The following PRPF39 variants were observed in gnomAD, a reference collection of about 807,000 sequenced individuals.
The protein encoded by PRPF39 is pre-mRNA-processing factor 39.
Under a neutral mutation model 82.1 loss-of-function variants are expected in PRPF39, and 27 were observed. The observed-to-expected ratio is 0.33, with a 90% confidence interval of 0.24 to 0.45. The LOEUF (loss-of-function observed/expected upper bound fraction) is 0.45, where lower values mean the gene tolerates loss of function less well. Among genes scored for constraint, PRPF39 ranks in the 20% least tolerant of loss-of-function variants. The pLI is 1.00. For synonymous variants in PRPF39, 261 were observed against 256.4 expected, an observed-to-expected ratio of 1.02 and a Z score of -0.17; for missense variants, 581 against 796.9, an observed-to-expected ratio of 0.73 and a Z score of 3.26.
rs549730063 is a variant in PRPF39, at chr14:45,108,294, A to G, written c.904-121A>G. ...TTTTGCACATAATTGCCAACAGTTA[A>G]AAATCTACCACTATTCTAAGACTAA... On this transcript the variant is annotated intron_variant, in intron 6 of 13. Coordinates refer to ENST00000355765, the MANE Select transcript of PRPF39 (RefSeq NM_017922.4). 1.6e-5 allele frequency: 19 copies of G among 1,183,688 alleles called. No individual in the cohort carries two copies. The South Asian group carries it at 3.0e-4, about 19-fold the overall frequency. The allele number at this position is 1,183,688 out of a possible 1,614,324, so 73.3% of individuals were successfully genotyped here. A position where few individuals can be genotyped will look rare whatever the true frequency, so the allele number is the denominator to read the frequency against.
intron 8 of PRPF39, 152 bp from the exon 9 acceptor site, chr14:45,109,942 G>A: frequency 3.9e-6 from 6 of 1,535,048 alleles, no homozygotes; most frequent in South Asian, 1.3e-5. Context: ...TGCCAACCTC[G>A]TTGCCTCTCT....
intron 1 of PRPF39, among the ~76,000 whole-genome samples, chr14:45,087,829 C>T (rs1000804674): frequency 4.0e-5 from 6 of 151,274 alleles, no homozygotes; most frequent in African/African-American, 4.9e-5. Flanking sequence ...CCTCATGATC[C>T]GCCCGCCTCA....
Position 45,110,596 on chromosome 14 carries a change from G to T in PRPF39, c.1351G>T (p.Val451Phe). 6.4e-7 allele frequency: 1 copy of T among 1,568,522 alleles called. No individual in the cohort carries two copies. Residue 451 changes from valine to phenylalanine, a missense_variant, in exon 10 of 14, where the codon GTT (valine) becomes TTT (phenylalanine). Coordinates refer to ENST00000355765, the MANE Select transcript of PRPF39 (RefSeq NM_017922.4). The surrounding 1 kb of genome is among the most constrained non-coding windows in gnomAD (Gnocchi z 4.0). ...RNILKTFEEC[V>F]LGLAMVRLRR... ...TATCTTGAAAACATTTGAAGAATGT[G>T]TTCTAGGATTGGCAATGGTTCGTTT...
In PRPF39 at chr14:45,116,245, G is replaced by A; in HGVS notation, c.*1332G>A. ...ACTTCAAAAGTGAGTTTTGCATTTGGTGGAATTCTGTTGAAGAAGTCAAGG... is the reference window on the plus strand; with the variant it reads ...ACTTCAAAAGTGAGTTTTGCATTTGATGGAATTCTGTTGAAGAAGTCAAGG... On this transcript the variant is annotated 3_prime_UTR_variant, in exon 14 of 14. Transcript: ENST00000355765. 1.2e-6 allele frequency: 2 copies of A among 1,612,246 alleles called. No homozygotes were observed.
At position 45,114,251 on chromosome 14, in the gene PRPF39, A is replaced by C; in HGVS notation, c.1826A>C (p.Glu609Ala). Residue 609 changes from glutamate (E) to alanine (A), a missense_variant, in exon 12 of 14, where the codon GAA (glutamate) becomes GCA (alanine). Transcript: ENST00000355765. ...CAGGATTCTTTAAAAAGGAAAGCAG[A>C]AAATGGGTATGTCACTTTTTGCTAA... ...KEQDSLKRKA[E>A]NGSEEPEEKK... 6.3e-7 allele frequency: 1 copy of C among 1,593,498 alleles called. No individual in the cohort carries two copies.
At chr14:45,093,709 C>G (rs570008950) in intron 1 of PRPF39, among the ~76,000 whole-genome samples, 9 of 152,054 alleles carry the variant, frequency 5.9e-5, no homozygotes, top group African/African-American at 1.7e-4. Context: ...GCATGTGCCA[C>G]CACGCCCGGC....
chr14:45,091,393 TG>T (rs767525210), intron 1 of PRPF39, among the ~76,000 whole-genome samples: 5 of 152,192 alleles, frequency 3.3e-5, no homozygotes, highest in Non-Finnish European at 5.9e-5. Flanking sequence ...CCACCCACCT[TG>T]GCTTCCCGAA....
At chr14:45,102,152 A>G (rs1435394707) in intron 4 of PRPF39, among the ~76,000 whole-genome samples, 2 of 152,168 alleles carry the variant, frequency 1.3e-5, no homozygotes, top group Non-Finnish European at 2.9e-5. Flanking sequence ...AAATTGAGAT[A>G]AAATTTGCCT....
intron 1 of PRPF39, among the ~76,000 whole-genome samples, chr14:45,092,434 C>A (rs900662392): frequency 6.6e-6 from 1 of 151,870 alleles, no homozygotes; most frequent in Non-Finnish European, 1.5e-5. Context: ...AACCTCGTCT[C>A]TCCTAAAAAT....
At chr14:45,112,623 C>T in intron 11 of PRPF39, 121 bp downstream of exon 11, 1 of 1,033,292 alleles carries the variant, frequency 9.7e-7, no homozygotes. Flanking sequence ...GCTTAGTTTA[C>T]TTTTTCCTCA....
intron 1 of PRPF39, among the ~76,000 whole-genome samples, chr14:45,085,108 G>T (rs2139028302): frequency 6.6e-6 from 1 of 152,290 alleles, no homozygotes; most frequent in African/African-American, 2.4e-5. Context: ...TTTGGACAGG[G>T]ACGTATGAAG....
At chr14:45,107,209 A>AT in intron 5 of PRPF39, among the ~76,000 whole-genome samples, 1 of 152,218 alleles carries the variant, frequency 6.6e-6, no homozygotes, top group East Asian at 1.9e-4. Context: ...ATGCCCGTCC[A>AT]TGCCTTCTCC....
chr14:45,095,585 A>G, intron 2 of PRPF39, 22 bp downstream of exon 2: 1 of 1,540,594 alleles, frequency 6.5e-7, no homozygotes, highest in Non-Finnish European at 8.8e-7. Flanking sequence ...TTAAAATGGT[A>G]TCAGAAGGGA....
At chr14:45,111,515 A>G (rs773769973) in intron 10 of PRPF39, among the ~76,000 whole-genome samples, 2 of 149,958 alleles carry the variant, frequency 1.3e-5, no homozygotes, top group African/African-American at 2.5e-5. Flanking sequence ...TTGTATTTTT[A>G]GTAGACACAG....
chr14:45,101,292 G>C (rs879403464), intron 4 of PRPF39, among the ~76,000 whole-genome samples: 1 of 152,118 alleles, frequency 6.6e-6, no homozygotes, highest in Non-Finnish European at 1.5e-5. Context: ...GTTTAACTTA[G>C]GGGAGTGTAG....
At chr14:45,096,647 A>G (rs1177335653) in intron 3 of PRPF39, 5 of 1,494,814 alleles carry the variant, frequency 3.3e-6, no homozygotes, top group Non-Finnish European at 4.5e-6. Flanking sequence ...TGTAACCCAA[A>G]GCCTGCCCAC....
intron 1 of PRPF39, among the ~76,000 whole-genome samples, chr14:45,093,798 G>A (rs555935610): frequency 2.8e-5 from 4 of 145,168 alleles, no homozygotes; most frequent in Non-Finnish European, 4.5e-5. Flanking sequence ...CAGGTGATCC[G>A]CCTGCCTCAG....
At chr14:45,088,032 C>T (rs1356407776) in intron 1 of PRPF39, among the ~76,000 whole-genome samples, 2 of 152,082 alleles carry the variant, frequency 1.3e-5, no homozygotes, top group Non-Finnish European at 2.9e-5. Flanking sequence ...TACTAGGCCT[C>T]CAGGTGTACT....
chr14:45,107,535 T>C lies in PRPF39; in HGVS notation c.822T>C (p.Ser274=). Residue 274 remains serine, a synonymous_variant, in exon 6 of 14, where the codon TCT becomes TCC. Transcript: ENST00000355765. ...QFIQLRRELA[S]VNGHSGDDGP... ...TTCAGTTGCGAAGGGAATTAGCTTC[T>C]GTAAATGGTCATAGTGGTGATGATG... is the stretch of plus-strand genomic sequence containing the variant. The C allele has an allele frequency of 1.3e-6, 2 of 1,557,878 alleles. No homozygotes were observed. The highest frequency in any genetic ancestry group is 1.7e-6 in the Non-Finnish European group (2 of 1,149,322).
Sources: gnomAD v4.1 joint callset for allele counts (sites outside exome capture counted in the v4.1 genomes callset) on GRCh38, gnomAD v4.1.1 for gene constraint, Gnocchi (gnomAD v3.1) non-coding constraint, MANE v1.5 for transcripts, NCBI Gene and HGNC (gene_info 2026-07-23, HGNC 2026-07-21) for gene names.